The following RXYLT1 variants were observed in gnomAD, a reference collection of about 807,000 sequenced individuals.
RXYLT1 encodes ribitol xylosyltransferase 1, also known as ribitol-5-phosphate xylosyltransferase 1.
RXYLT1 carries 41 observed loss-of-function variants against 43.5 expected under a neutral mutation model. The observed-to-expected ratio is 0.94, with a 90% CI of 0.73 to 1.22. RXYLT1 has a LOEUF of 1.22. RXYLT1 is among the 50% of genes most tolerant of loss of function. The pLI is 0.00. For missense variants in RXYLT1, 514 were observed against 532.0 expected (o/e 0.97, Z 0.33); for synonymous variants, 166 against 194.4 (o/e 0.85, Z 1.21).
intron 3 of RXYLT1, among the ~76,000 whole-genome samples, chr12:63,800,984 T>A (rs556316224): frequency 7.2e-5 from 11 of 152,210 alleles, no homozygotes; most frequent in Admixed American, 6.5e-4. Flanking sequence ...CTAACAAATT[T>A]CAGCTCTCTG....
Position 63,779,938 on chromosome 12 carries a change from G to C in RXYLT1, c.-23G>C. On this transcript the variant is annotated 5_prime_UTR_variant, in exon 1 of 6. An upstream start codon of the reference 5' UTR is lost. Transcript: ENST00000261234. ...TTCCGCCCGCTCCATGGCGGTGGAT[G>C]CCTGACTGGAAGCCCGAGTGGGATG... 6.2e-7 allele frequency: 1 copy of C among 1,609,508 alleles called. No homozygotes were observed. The highest frequency in any genetic ancestry group is 1.7e-4 in the Middle Eastern group (1 of 6,042).
chr12:63,782,584 C>T, intron 2 of RXYLT1: 1 of 456,692 alleles, frequency 2.2e-6, no homozygotes, highest in Admixed American at 2.3e-5. Flanking sequence ...TCTGAAGAAC[C>T]TTGTGGGCCC....
At chr12:63,787,753 A>G (rs1041421056) in intron 3 of RXYLT1, among the ~76,000 whole-genome samples, 2 of 152,066 alleles carry the variant, frequency 1.3e-5, no homozygotes, top group African/African-American at 2.4e-5. Context: ...CAACATCCCA[A>G]GTAGCTGGGA....
intron 2 of RXYLT1, among the ~76,000 whole-genome samples, chr12:63,784,170 G>A (rs1009653266): frequency 1.3e-5 from 2 of 152,156 alleles, no homozygotes; most frequent in Non-Finnish European, 1.5e-5. Context: ...CTTTGCTGGT[G>A]GGGCAGAGGG....
At chr12:63,792,695 T>G (rs1897944763) in intron 3 of RXYLT1, among the ~76,000 whole-genome samples, 2 of 152,180 alleles carry the variant, frequency 1.3e-5, no homozygotes, top group South Asian at 4.1e-4. Flanking sequence ...AGATATTAGC[T>G]CAGTGAATTT....
chr12:63,804,309 A>G (rs1013212670), intron 4 of RXYLT1: 7 of 152,224 alleles, frequency 4.6e-5, no homozygotes, highest in Non-Finnish European at 1.0e-4. Context: ...TGAGGCTAAG[A>G]AACCCTGTTA....
chr12:63,781,187 G>T lies in RXYLT1; in HGVS notation c.325+13G>T, dbSNP rs373210870. ...AAAGCTGCCATTGGTAAGTTAATAC[G>T]TAGAAGGAAGACATGTAAAAAGCAT... On this transcript the variant is annotated intron_variant, in intron 2 of 5. Coordinates refer to ENST00000261234, the MANE Select transcript of RXYLT1 (RefSeq NM_014254.3). 1.3e-6 allele frequency: 2 copies of T among 1,482,986 alleles called. No homozygotes were observed. The highest frequency in any genetic ancestry group is 1.8e-6 in the Non-Finnish European group (2 of 1,115,774). 91.9% of individuals were successfully genotyped at this position (1,482,986 alleles called of 1,614,324 possible). A position where few individuals can be genotyped will look rare whatever the true frequency, so the allele number is the denominator to read the frequency against.
At chr12:63,794,449 T>C (rs574403287) in intron 3 of RXYLT1, among the ~76,000 whole-genome samples, 1 of 152,302 alleles carries the variant, frequency 6.6e-6, no homozygotes, top group South Asian at 2.1e-4. Context: ...TTAAATAAAT[T>C]GAGAGATCCA....
intron 3 of RXYLT1, among the ~76,000 whole-genome samples, chr12:63,799,682 T>C (rs1364474807): frequency 6.6e-6 from 1 of 152,136 alleles, no homozygotes; most frequent in Non-Finnish European, 1.5e-5. Flanking sequence ...ATTTCCTATC[T>C]AGTGTCAGCT....
chr12:63,787,499 GA>G (rs1045449821), intron 3 of RXYLT1, among the ~76,000 whole-genome samples: 3 of 152,170 alleles, frequency 2.0e-5, no homozygotes, highest in African/African-American at 7.2e-5. Flanking sequence ...CATGAATCAT[GA>G]ATGTTCATGG....
chr12:63,804,203 G>A (rs902929400), intron 4 of RXYLT1: 1 of 152,166 alleles, frequency 6.6e-6, no homozygotes, highest in African/African-American at 2.4e-5. Flanking sequence ...GTCACAACTG[G>A]TATCTAGCAG....
chr12:63,789,470 A>T (rs775997125), intron 3 of RXYLT1, among the ~76,000 whole-genome samples: 3 of 152,184 alleles, frequency 2.0e-5, no homozygotes, highest in Non-Finnish European at 4.4e-5. Context: ...TCAAGATGAG[A>T]TTTGGGTGGG....
chr12:63,809,223 A>T lies in RXYLT1; in HGVS notation c.*131A>T. The T allele has an allele frequency of 1.5e-6, 1 of 666,980 alleles. No homozygotes were observed. Among genetic ancestry groups the T allele is most frequent in the Non-Finnish European group, 2.4e-6 (1 of 411,790 alleles). The allele number at this position is 666,980 out of a possible 1,614,324, so 41.3% of individuals were successfully genotyped here. ...GAAAACTCTACATTATGTATGCCAC[A>T]TAATGACATTTCAGTCAGTGGTAGA... is the stretch of plus-strand genomic sequence containing the variant. On this transcript the variant is annotated 3_prime_UTR_variant, in exon 6 of 6. Transcript: ENST00000261234.
intron 1 of RXYLT1, chr12:63,780,475 C>G: frequency 8.9e-7 from 1 of 1,118,510 alleles, no homozygotes; most frequent in South Asian, 3.5e-5. Context: ...TTAAGACATC[C>G]GTTTCCATGT....
intron 5 of RXYLT1, 114 bp downstream of exon 5, chr12:63,805,518 C>T: frequency 9.9e-7 from 1 of 1,014,010 alleles, no homozygotes; most frequent in Non-Finnish European, 1.4e-6. Flanking sequence ...ACCAATCTTT[C>T]CCCAGAAGAT....
chr12:63,809,511 ATTAG>A lies in RXYLT1; in HGVS notation c.*422_*425del, dbSNP rs1342279675. ...CTATACTATACTTTTTACAATTTGTATTAGTTCTTGCATTGCTATGAATAAATGC... is the reference window on the plus strand; with the variant it reads ...CTATACTATACTTTTTACAATTTGTATTCTTGCATTGCTATGAATAAATGC... On this transcript the variant is annotated 3_prime_UTR_variant, in exon 6 of 6. Coordinates refer to ENST00000261234, the MANE Select transcript of RXYLT1 (RefSeq NM_014254.3). 6.4e-6 allele frequency: 1 copy of A among 156,434 alleles called. No homozygotes were observed. The highest frequency in any genetic ancestry group is 6.5e-5 in the Admixed American group (1 of 15,456). 9.7% of individuals were successfully genotyped at this position (156,434 alleles called of 1,614,324 possible).
In RXYLT1 at chr12:63,808,940, G is replaced by A. The variant is rs1898383427; in HGVS notation, c.1180G>A (p.Ala394Thr). Residue 394 changes from alanine (A) to threonine (T), a missense_variant, in exon 6 of 6, where the codon GCT becomes ACT. By Grantham distance (58) the Ala-to-Thr change is moderately conservative (BLOSUM62 0). Transcript: ENST00000261234. ...IFIKNWKELPAVLEKEKTIIL... is the reference protein window; with the variant it reads ...IFIKNWKELPTVLEKEKTIIL... ...TATCAAGAACTGGAAGGAACTCCCT[G>A]CTGTTTTAGAAAAAGAGAAAACTAT... 1 of 1,613,432 alleles carries A rather than the reference G, an allele frequency of 6.2e-7. No individual in the cohort carries two copies. The highest frequency in any genetic ancestry group is 1.7e-5 in the Admixed American group (1 of 59,824).
At chr12:63,791,004 A>C (rs934216821) in intron 3 of RXYLT1, among the ~76,000 whole-genome samples, 3 of 152,126 alleles carry the variant, frequency 2.0e-5, no homozygotes, top group Admixed American at 2.0e-4. Context: ...ACATCTTCCT[A>C]CAAGCAGTTC....
rs759595438 is a variant in RXYLT1 at position 63,780,020 on chromosome 12, C to G, written c.60C>G (p.Ser20=). The stretch of plus-strand genomic sequence containing the variant: ...TTATCGCCCTGTACTGCCTATTCTC[C>G]CTCTACGCTGCCTACCACGTCTTCT... ...SFLIALYCLF[S]LYAAYHVFFG... The change falls in exon 1 of 6, where the codon TCC becomes TCG. Residue 20 remains serine (S), a synonymous_variant. Coordinates refer to ENST00000261234, the MANE Select transcript of RXYLT1 (RefSeq NM_014254.3). 2 of 1,610,338 alleles carry G rather than the reference C, an allele frequency of 1.2e-6. No individual in the cohort carries two copies. Among genetic ancestry groups the G allele is most frequent in the Non-Finnish European group, 1.7e-6 (2 of 1,178,800 alleles).
Sources: allele counts gnomAD v4.1 joint callset (sites outside exome capture counted in the v4.1 genomes callset), GRCh38; gene constraint gnomAD v4.1.1; transcripts MANE v1.5; gene names NCBI Gene and HGNC (gene_info 2026-07-23, HGNC 2026-07-21).